CDH12: variants seen among roughly 807,000 people sequenced by gnomAD.
CDH12 encodes cadherin 12.
Under a neutral mutation model 74.1 loss-of-function variants are expected in CDH12, and 41 were observed. The observed-to-expected ratio is 0.55, with a 90% confidence interval of 0.43 to 0.72. CDH12 has a LOEUF of 0.72. CDH12 is among the 30% of genes least tolerant of loss of function. The probability of loss-of-function intolerance (pLI) is 0.00; values close to 1 mark genes in which losing one functional copy is unlikely to be tolerated. For missense variants in CDH12, 945 were observed against 977.2 expected (o/e 0.97, Z 0.44); for synonymous variants, 399 against 355.0 (o/e 1.12, Z -1.39).
intron 4 of CDH12, among the ~76,000 whole-genome samples, chr5:22,174,492 T>C (rs1749217321): frequency 6.6e-6 from 1 of 151,992 alleles, no homozygotes; most frequent in Admixed American, 6.6e-5. Context: ...AAGTTTTGTT[T>C]TTTAACTAAA....
intron 1 of CDH12, among the ~76,000 whole-genome samples, chr5:22,615,110 A>C (rs1737628077): frequency 6.6e-6 from 1 of 152,106 alleles, no homozygotes; most frequent in Non-Finnish European, 1.5e-5. Context: ...CAAACTACAG[A>C]AATCATAACT....
intron 3 of CDH12, among the ~76,000 whole-genome samples, chr5:22,257,583 T>C (rs972286772): frequency 1.3e-5 from 2 of 152,060 alleles, no homozygotes; most frequent in Admixed American, 1.3e-4. Context: ...TACTGCAACC[T>C]CTGCCTCCTG....
At chr5:22,493,160 A>C (rs1371859208) in intron 2 of CDH12, among the ~76,000 whole-genome samples, 1 of 152,226 alleles carries the variant, frequency 6.6e-6, no homozygotes, top group Non-Finnish European at 1.5e-5. Context: ...ATCTTGGCTT[A>C]AATGGCTTCA....
At chr5:22,219,753 A>G (rs1478346478) in intron 3 of CDH12, among the ~76,000 whole-genome samples, 1 of 151,692 alleles carries the variant, frequency 6.6e-6, no homozygotes. Context: ...GCAAAGAGCA[A>G]TTATGAATCC....
intron 1 of CDH12, among the ~76,000 whole-genome samples, chr5:22,833,507 C>A (rs980625068): frequency 6.6e-6 from 1 of 152,118 alleles, no homozygotes; most frequent in South Asian, 2.1e-4. Flanking sequence ...CATTGAGTAC[C>A]TTACTGCTAA....
chr5:21,853,522 T>C (rs1260722661), intron 7 of CDH12, among the ~76,000 whole-genome samples: 1 of 151,690 alleles, frequency 6.6e-6, no homozygotes, highest in Admixed American at 6.6e-5. Flanking sequence ...TAAGAGAGAA[T>C]GGCAGGTTCA....
chr5:22,029,606 G>C (rs1050083980), intron 5 of CDH12, among the ~76,000 whole-genome samples: 1 of 152,072 alleles, frequency 6.6e-6, no homozygotes, highest in African/African-American at 2.4e-5. Flanking sequence ...TAAAAAGTCA[G>C]GAAACAACAG....
At chr5:22,740,219 C>T (rs2127016626) in intron 1 of CDH12, among the ~76,000 whole-genome samples, 1 of 152,122 alleles carries the variant, frequency 6.6e-6, no homozygotes, top group East Asian at 1.9e-4. Flanking sequence ...AAAGAAGCTC[C>T]TGATTCCTTA....
At chr5:21,954,060 CAT>C (rs1371593506) in intron 6 of CDH12, among the ~76,000 whole-genome samples, 1 of 152,042 alleles carries the variant, frequency 6.6e-6, no homozygotes, top group Non-Finnish European at 1.5e-5. Context: ...AGCTCTACTT[CAT>C]CCTGCTTTCA....
intron 3 of CDH12, 102 bp from the exon 4 acceptor site, chr5:22,212,745 C>T (rs1046497009): frequency 6.7e-6 from 2 of 296,838 alleles, no homozygotes; most frequent in Non-Finnish European, 1.0e-5. Flanking sequence ...GAGCGTGCTC[C>T]GTTTGGAGGC....
At chr5:22,825,244 T>G (rs1488823411) in intron 1 of CDH12, among the ~76,000 whole-genome samples, 1 of 152,054 alleles carries the variant, frequency 6.6e-6, no homozygotes, top group African/African-American at 2.4e-5. Context: ...GTGTGTACAT[T>G]TGTACAAATG....
Position 22,173,648 on chromosome 5 carries a change from T to A in CDH12, c.-187+38850A>T, listed in dbSNP as rs930467082. 2.0e-5 allele frequency among the ~76,000 whole-genome samples: 3 copies of A among 151,738 alleles called. No homozygotes were observed. The Admixed American group carries it at 2.0e-4, about 10-fold the overall frequency. On this transcript the variant is annotated intron_variant, in intron 4 of 14. Coordinates refer to ENST00000382254, the MANE Select transcript of CDH12 (RefSeq NM_004061.5). ...TGAGATGGTATGATGTAATTTTTACTACTTTTATTATATTGTTTGTCTGCT... is the reference window on the plus strand; with the variant it reads ...TGAGATGGTATGATGTAATTTTTACAACTTTTATTATATTGTTTGTCTGCT...
intron 3 of CDH12, among the ~76,000 whole-genome samples, chr5:22,269,845 C>T (rs537633969): frequency 7.8e-4 from 118 of 152,148 alleles, no homozygotes; most frequent in Non-Finnish European, 1.4e-3. Flanking sequence ...ACATTTGTAC[C>T]ACATACATGT....
intron 3 of CDH12, among the ~76,000 whole-genome samples, chr5:22,262,201 C>T (rs1319247029): frequency 6.6e-6 from 1 of 151,406 alleles, no homozygotes; most frequent in African/African-American, 2.4e-5. Context: ...ATGTGCTGTA[C>T]TGGTGCACTG....
intron 4 of CDH12, among the ~76,000 whole-genome samples, chr5:22,147,488 G>A (rs1747266317): frequency 2.0e-5 from 3 of 151,848 alleles, no homozygotes; most frequent in Non-Finnish European, 4.4e-5. Flanking sequence ...CCAAGAGTAG[G>A]TATTGGTAAT....
At chr5:22,056,757 A>C (rs1740770580) in intron 5 of CDH12, among the ~76,000 whole-genome samples, 3 of 152,162 alleles carry the variant, frequency 2.0e-5, no homozygotes, top group Non-Finnish European at 4.4e-5. Context: ...ATATTATCCC[A>C]CATGTGGATT....
chr5:21,849,364 T>A (rs1750344240), intron 7 of CDH12, among the ~76,000 whole-genome samples: 1 of 151,824 alleles, frequency 6.6e-6, no homozygotes, highest in Admixed American at 6.6e-5. Context: ...TCACCCAGAA[T>A]CTACCTGAAG....
intron 4 of CDH12, among the ~76,000 whole-genome samples, chr5:22,115,225 C>T (rs970001372): frequency 2.6e-5 from 4 of 152,156 alleles, no homozygotes; most frequent in African/African-American, 2.4e-5. Flanking sequence ...CTGTGGAGCG[C>T]TATGCATTTT....
chr5:22,745,191 T>G (rs1019772605), intron 1 of CDH12, among the ~76,000 whole-genome samples: 1 of 152,100 alleles, frequency 6.6e-6, no homozygotes. Flanking sequence ...CCATTGCTCT[T>G]CTATAGATTA....
Sources: gnomAD v4.1 joint callset for allele counts (sites outside exome capture counted in the v4.1 genomes callset) on GRCh38, gnomAD v4.1.1 for gene constraint, MANE v1.5 for transcripts, NCBI Gene and HGNC (gene_info 2026-07-23, HGNC 2026-07-21) for gene names.